The following BRWD3 variants were observed in gnomAD, a reference collection of about 807,000 sequenced individuals.
BRWD3 encodes the protein bromodomain and WD repeat domain containing 3, also known as bromodomain and WD repeat-containing protein 3.
A neutral mutation model predicts 149.7 loss-of-function variants in BRWD3; 10 were observed. That is an observed-to-expected ratio of 0.07 (90% CI 0.04 to 0.11). BRWD3 has a LOEUF of 0.11. Ranked by LOEUF, BRWD3 falls within the 10% of genes least tolerant of loss-of-function variation. The probability of loss-of-function intolerance (pLI) is 1.00; values close to 1 mark genes in which losing one functional copy is unlikely to be tolerated. For missense variants in BRWD3, 940 were observed against 1,373.2 expected, an observed-to-expected ratio of 0.68 and a Z score of 4.99; for synonymous variants, 504 against 456.7, an observed-to-expected ratio of 1.10 and a Z score of -1.32.
chrX:80,716,692 T>C (rs753855395), intron 19 of BRWD3, among the ~76,000 whole-genome samples: 3 of 112,388 alleles, frequency 2.7e-5, no homozygotes, highest in Non-Finnish European at 3.8e-5. Context: ...TTTGTACATA[T>C]ACCACAATTT....
At chrX:80,746,490 A>ATT (rs1172457630) in intron 6 of BRWD3, among the ~76,000 whole-genome samples, 2 of 110,870 alleles carry the variant, frequency 1.8e-5, no homozygotes, top group African/African-American at 6.6e-5. Flanking sequence ...TACCACGTGG[A>ATT]TTCTGCTCAT....
chrX:80,805,184 T>C (rs2074337556), intron 4 of BRWD3, among the ~76,000 whole-genome samples: 1 of 111,582 alleles, frequency 9.0e-6, no homozygotes, highest in South Asian at 3.7e-4. Flanking sequence ...TTCTAGAATA[T>C]GTAATTTAGT....
chrX:80,683,913 A>C, intron 37 of BRWD3, 97 bp downstream of exon 37: 2 of 868,784 alleles, frequency 2.3e-6, no homozygotes, highest in Non-Finnish European at 3.4e-6. Context: ...ATGCATGCCT[A>C]ACAAGCAATC....
chrX:80,775,802 T>C (rs1270348828), intron 6 of BRWD3, among the ~76,000 whole-genome samples: 1 of 112,112 alleles, frequency 8.9e-6, no homozygotes, highest in Non-Finnish European at 1.9e-5. Flanking sequence ...TCATTACCAA[T>C]ATTATCAGCA....
chrX:80,756,619 T>C (rs2073743582), intron 6 of BRWD3, among the ~76,000 whole-genome samples: 1 of 111,075 alleles, frequency 9.0e-6, no homozygotes. Flanking sequence ...GTAGCCTTTA[T>C]TAGGAACATG....
At chrX:80,806,437 A>T (rs1052169490) in intron 4 of BRWD3, among the ~76,000 whole-genome samples, 7 of 111,829 alleles carry the variant, frequency 6.3e-5, no homozygotes, top group Admixed American at 4.8e-4. Context: ...AAGCTATTAA[A>T]AAACTCACTC....
At chrX:80,726,040 A>G (rs1431123474) in intron 14 of BRWD3, among the ~76,000 whole-genome samples, 1 of 97,388 alleles carries the variant, frequency 1.0e-5, no homozygotes, top group African/African-American at 3.7e-5. Context: ...TAACATGTTT[A>G]CATGTTATGT....
At chrX:80,745,763 A>C in intron 6 of BRWD3, 34 bp from the exon 7 acceptor site, 1 of 1,124,252 alleles carries the variant, frequency 8.9e-7, no homozygotes, top group Non-Finnish European at 1.2e-6. Flanking sequence ...TAAAACTTAA[A>C]AGTGAAACTG....
intron 13 of BRWD3, 53 bp from the exon 14 acceptor site, chrX:80,728,958 C>T (rs2073287754): frequency 2.8e-6 from 3 of 1,067,290 alleles, no homozygotes; most frequent in African/African-American, 3.7e-5. Context: ...GACAAAGGTG[C>T]ATGTTAAATA....
chrX:80,707,514 G>A lies in BRWD3; in HGVS notation c.2476-11C>T, dbSNP rs1167246912. On this transcript the variant is annotated splice_polypyrimidine_tract_variant and intron_variant, in intron 21 of 40. Transcript: ENST00000373275. The stretch of plus-strand genomic sequence containing the variant: ...AACAGTTTCATCTTCCTACAACAAA[G>A]AGCCAGCAATTAAGATATATGGATA... 2 of 1,201,545 alleles carry A rather than the reference G, an allele frequency of 1.7e-6. No individual in the cohort carries two copies. Among genetic ancestry groups the A allele is most frequent in the Admixed American group, 4.4e-5 (2 of 45,759 alleles).
At chrX:80,807,273 A>G in intron 4 of BRWD3, among the ~76,000 whole-genome samples, 1 of 111,820 alleles carries the variant, frequency 8.9e-6, no homozygotes, top group East Asian at 2.8e-4. Flanking sequence ...GGTCGAGTTT[A>G]CCCTTATCAC....
chrX:80,788,254 A>G lies in BRWD3; in HGVS notation c.430+3600T>C, dbSNP rs775294346. Reference sequence around the variant, plus strand: ...TGAGACCAGCCTGGGCAACAAAGCTAGACCCCATCTCAATTTAAAAAGATG... The same window carrying G: ...TGAGACCAGCCTGGGCAACAAAGCTGGACCCCATCTCAATTTAAAAAGATG... On this transcript the variant is annotated intron_variant, in intron 6 of 40. Coordinates refer to ENST00000373275, the MANE Select transcript of BRWD3 (RefSeq NM_153252.5). Among the ~76,000 whole-genome samples, 6 of 110,729 alleles carry G rather than the reference A, an allele frequency of 5.4e-5. No homozygotes were observed. The East Asian group carries it at 1.7e-3, about 31-fold the overall frequency.
At chrX:80,798,749 T>C (rs1007689064) in intron 4 of BRWD3, among the ~76,000 whole-genome samples, 4 of 111,520 alleles carry the variant, frequency 3.6e-5, no homozygotes, top group African/African-American at 6.5e-5. Flanking sequence ...CTGGGCAACA[T>C]AGTGAGACCT....
rs1008069548 is a variant in BRWD3 at position 80,674,531 on chromosome X, C to G, written c.*2078G>C. ...CAAAGTATTATTGATTTCAGGAATACAGGCACAATTTAGTCTAAATGCCCA... is the reference window on the plus strand; with the variant it reads ...CAAAGTATTATTGATTTCAGGAATAGAGGCACAATTTAGTCTAAATGCCCA... On this transcript the variant is annotated 3_prime_UTR_variant, in exon 41 of 41. Transcript: ENST00000373275. 9.0e-6 allele frequency: 1 copy of G among 111,507 alleles called. No individual in the cohort carries two copies. The highest frequency in any genetic ancestry group is 1.9e-5 in the Non-Finnish European group (1 of 53,003). 9.2% of individuals were successfully genotyped at this position (111,507 alleles called of 1,213,427 possible).
At chrX:80,771,376 C>A (rs1478183470) in intron 6 of BRWD3, among the ~76,000 whole-genome samples, 1 of 111,685 alleles carries the variant, frequency 9.0e-6, no homozygotes, top group Non-Finnish European at 1.9e-5. Flanking sequence ...ATAACCAGAA[C>A]AGCATAGTAC....
chrX:80,732,565 TA>T (rs1284603718), intron 12 of BRWD3, among the ~76,000 whole-genome samples: 1 of 109,019 alleles, frequency 9.2e-6, no homozygotes, highest in African/African-American at 3.4e-5. Context: ...GAGAAGAGAA[TA>T]AAGGAGAAAG....
chrX:80,725,089 A>G, intron 14 of BRWD3, 22 bp from the exon 15 acceptor site: 3 of 1,202,503 alleles, frequency 2.5e-6, no homozygotes, highest in Non-Finnish European at 3.4e-6. Flanking sequence ...ATCAGTATTA[A>G]CAATGAAAGC....
chrX:80,773,038 A>T (rs1011361410), intron 6 of BRWD3, among the ~76,000 whole-genome samples: 1 of 112,228 alleles, frequency 8.9e-6, no homozygotes, highest in Non-Finnish European at 1.9e-5. Context: ...GAACTATAGA[A>T]ATGTAACACA....
chrX:80,784,209 T>C (rs756245144), intron 6 of BRWD3, among the ~76,000 whole-genome samples: 3 of 110,979 alleles, frequency 2.7e-5, no homozygotes, highest in South Asian at 7.6e-4. Context: ...ACACATCTAC[T>C]ATGTACCTAT....
Sources: gnomAD v4.1 joint callset for allele counts (sites outside exome capture counted in the v4.1 genomes callset) on GRCh38, gnomAD v4.1.1 for gene constraint, MANE v1.5 for transcripts, NCBI Gene and HGNC (gene_info 2026-07-23, HGNC 2026-07-21) for gene names.